Variants in TRPM7 observed in about 807,000 individuals in gnomAD.
TRPM7 encodes the protein transient receptor potential cation channel subfamily M member 7.
A neutral mutation model predicts 229.7 loss-of-function variants in TRPM7; 134 were observed. The observed-to-expected ratio is 0.58, with a 90% CI of 0.51 to 0.67. The LOEUF (loss-of-function observed/expected upper bound fraction) is 0.67. Among genes scored for constraint, TRPM7 ranks in the 30% least tolerant of loss-of-function variants. The probability of loss-of-function intolerance (pLI) is 0.00; values close to 1 mark genes in which losing one functional copy is unlikely to be tolerated. For synonymous variants in TRPM7, 699 were observed against 715.2 expected (o/e 0.98, Z 0.36); for missense variants, 1,901 against 2,210.0 (o/e 0.86, Z 2.80).
In TRPM7 at chr15:50,586,502, G is replaced by A. The variant is rs752093127; in HGVS notation, c.4390-14C>T. ...AGTATTGTTATTCTGCAAATATTGT[G>A]CAGACATATAATTTGAAAATAATTG... On this transcript the variant is annotated splice_polypyrimidine_tract_variant and intron_variant, in intron 27 of 38. Transcript: ENST00000646667. 5 of 1,546,698 alleles carry A rather than the reference G, an allele frequency of 3.2e-6. No homozygotes were observed. The Admixed American group carries it at 8.4e-5, about 26-fold the overall frequency.
At chr15:50,615,493 T>C (rs946142583) in intron 13 of TRPM7, among the ~76,000 whole-genome samples, 2 of 152,208 alleles carry the variant, frequency 1.3e-5, no homozygotes, top group African/African-American at 2.4e-5. Flanking sequence ...TGTTTTAAAA[T>C]TTAAAAACTG....
intron 38 of TRPM7, among the ~76,000 whole-genome samples, chr15:50,567,637 G>A (rs577350080): frequency 1.3e-5 from 2 of 151,938 alleles, no homozygotes; most frequent in East Asian, 3.9e-4. Flanking sequence ...AGTGTGGTTT[G>A]TCCTAGGAAT....
At position 50,638,098 on chromosome 15, in the gene TRPM7, G is replaced by T. The variant is rs532734822; in HGVS notation, c.661-505C>A. On this transcript the variant is annotated intron_variant, in intron 6 of 38. Coordinates refer to ENST00000646667, the MANE Select transcript of TRPM7 (RefSeq NM_017672.6). ...TGGGAGGCCGGGCGCGGTGGCTCAC[G>T]CCTGTAATCCCAGCACTTTGGGAGG... 1.0e-3 allele frequency among the ~76,000 whole-genome samples: 159 copies of T among 151,962 alleles called. 1 individual carries two copies. The highest frequency in any genetic ancestry group is 3.7e-3 in the African/African-American group (152 of 41,488).
Position 50,679,520 on chromosome 15 carries a change from ATATATATATATATATATATTTT to A in TRPM7, c.3+6989_3+7010del, listed in dbSNP as rs1567129292. ...ATATGTGTATATATATAATATATAT[ATATATATATATATATATATTTT>A]TTTTTTTTTTTGAGACAGAGTCTTG... On this transcript the variant is annotated intron_variant, in intron 1 of 38. Coordinates refer to ENST00000646667, the MANE Select transcript of TRPM7 (RefSeq NM_017672.6). Among the ~76,000 whole-genome samples, 166 of 18,758 alleles carry A rather than the reference ATATATATATATATATATATTTT, an allele frequency of 8.8e-3. 5 individuals carry two copies. Among genetic ancestry groups the A allele is most frequent in the African/African-American group, 0.021 (160 of 7,548 alleles). The allele number at this position is 18,758 out of a possible 152,430, so 12.3% of individuals were successfully genotyped here.
At chr15:50,662,885 T>G in intron 2 of TRPM7, 82 bp downstream of exon 2, 3 of 986,154 alleles carry the variant, frequency 3.0e-6, no homozygotes, top group Non-Finnish European at 4.7e-6. Context: ...TATTTAGTGG[T>G]TTTTGTTTCC....
intron 9 of TRPM7, 85 bp downstream of exon 9, chr15:50,632,784 A>C: frequency 7.8e-7 from 1 of 1,278,106 alleles, no homozygotes; most frequent in Non-Finnish European, 1.0e-6. Flanking sequence ...AATAAAAACA[A>C]AAGTATTTCA....
intron 11 of TRPM7, among the ~76,000 whole-genome samples, chr15:50,627,466 T>C (rs2060598071): frequency 6.6e-6 from 1 of 152,024 alleles, no homozygotes; most frequent in African/African-American, 2.4e-5. Context: ...GATAGGAGCA[T>C]GCTTGATATG....
chr15:50,592,123 C>T lies in TRPM7; in HGVS notation c.4112G>A (p.Gly1371Glu), dbSNP rs748633635. ...ATTAAATATTTTTAAGAGTTCTACC[C>T]CATGTAGTCTCTGTCGCAGTTCTGG... ...SPPELRQRLH[G>E]VELLKIFNKN... The change falls in exon 26 of 39, where the codon GGG (glycine) becomes GAG (glutamate). Residue 1371 changes from glycine (G) to glutamate (E), a missense_variant. By Grantham distance (98) the Gly-to-Glu change is moderately conservative. This residue lies in a region of TRPM7 where 533 missense variants were observed against 497.1 expected (regional missense o/e 1.07). Coordinates refer to ENST00000646667, the MANE Select transcript of TRPM7 (RefSeq NM_017672.6). The T allele has an allele frequency of 1.5e-5, 25 of 1,613,016 alleles. No individual in the cohort carries two copies. The highest frequency in any genetic ancestry group is 1.9e-5 in the Non-Finnish European group (23 of 1,179,664).
chr15:50,587,676 A>C (rs554328554), intron 27 of TRPM7, among the ~76,000 whole-genome samples: 56 of 152,300 alleles, frequency 3.7e-4, no homozygotes, highest in African/African-American at 1.3e-3. Flanking sequence ...TACTTCTATC[A>C]AGTGCTTCGC....
At chr15:50,593,183 G>A (rs1042316782) in intron 25 of TRPM7, among the ~76,000 whole-genome samples, 2 of 152,052 alleles carry the variant, frequency 1.3e-5, no homozygotes, top group Non-Finnish European at 2.9e-5. Flanking sequence ...TAGCTACTCA[G>A]GAAACTGAGG....
At chr15:50,617,131 AAAATAAATAAATAAATAAATAAATAAAT>A (rs201318883) in intron 13 of TRPM7, among the ~76,000 whole-genome samples, 3 of 137,388 alleles carry the variant, frequency 2.2e-5, no homozygotes, top group African/African-American at 2.7e-5. Flanking sequence ...CTCTACCAAA[AAAATAAATAAATAAATAAATAAATAAAT>A]AAATAAATAA....
At chr15:50,577,948 G>C (rs923971178) in intron 31 of TRPM7, among the ~76,000 whole-genome samples, 1 of 151,308 alleles carries the variant, frequency 6.6e-6, no homozygotes, top group Non-Finnish European at 1.5e-5. Flanking sequence ...AGAAGAAGAA[G>C]CAAGACACAG....
At chr15:50,630,685 T>C (rs925380956) in intron 10 of TRPM7, among the ~76,000 whole-genome samples, 1 of 152,160 alleles carries the variant, frequency 6.6e-6, no homozygotes, top group Non-Finnish European at 1.5e-5. Context: ...GTGACACATT[T>C]TTATTTGGAG....
At chr15:50,570,792 T>A (rs566401106) in intron 36 of TRPM7, among the ~76,000 whole-genome samples, 10 of 149,854 alleles carry the variant, frequency 6.7e-5, no homozygotes, top group African/African-American at 2.5e-4. Flanking sequence ...GAGGCGGAGG[T>A]TGCAGTGAGC....
chr15:50,649,818 G>C (rs978325126), intron 3 of TRPM7, among the ~76,000 whole-genome samples: 1 of 152,144 alleles, frequency 6.6e-6, no homozygotes, highest in Admixed American at 6.6e-5. Flanking sequence ...GCTAGAGTTT[G>C]TGAGGTAGAA....
chr15:50,643,103 A>G (rs552344115), intron 5 of TRPM7, among the ~76,000 whole-genome samples: 2 of 152,158 alleles, frequency 1.3e-5, no homozygotes, highest in Non-Finnish European at 2.9e-5. Context: ...AGCCTGACCA[A>G]TATGGTGAAA....
In TRPM7 at chr15:50,617,210, G is replaced by A. The variant is rs952083233; in HGVS notation, c.1494+2535C>T. Reference sequence around the variant, plus strand: ...AAATTAGCCAGGCATGGTGGTGTGCGCCTGTAGTCCCAGCTACTCGGGAGG... The same window carrying A: ...AAATTAGCCAGGCATGGTGGTGTGCACCTGTAGTCCCAGCTACTCGGGAGG... On this transcript the variant is annotated intron_variant, in intron 13 of 38. Coordinates refer to ENST00000646667, the MANE Select transcript of TRPM7 (RefSeq NM_017672.6). 9.2e-5 allele frequency among the ~76,000 whole-genome samples: 14 copies of A among 151,640 alleles called. No individual in the cohort carries two copies. In the South Asian group the frequency reaches 1.0e-3, roughly 11 times the overall value.
At chr15:50,578,346 A>G (rs964144874) in intron 31 of TRPM7, among the ~76,000 whole-genome samples, 2 of 152,220 alleles carry the variant, frequency 1.3e-5, no homozygotes, top group African/African-American at 2.4e-5. Context: ...CAGCTGACTA[A>G]AAGTTTCATT....
At chr15:50,642,825 C>CTA (rs2061142939) in intron 5 of TRPM7, among the ~76,000 whole-genome samples, 1 of 151,638 alleles carries the variant, frequency 6.6e-6, no homozygotes, top group African/African-American at 2.4e-5. Flanking sequence ...GGCACACAGG[C>CTA]TATAGTTTGC....
Sources: allele counts gnomAD v4.1 joint callset (sites outside exome capture counted in the v4.1 genomes callset), GRCh38; gene constraint gnomAD v4.1.1; regional missense constraint gnomAD v4.1.1; transcripts MANE v1.5; gene names NCBI Gene and HGNC (gene_info 2026-07-23, HGNC 2026-07-21).